PPP3CC: variants seen among roughly 807,000 people sequenced by gnomAD.
PPP3CC encodes the protein protein phosphatase 3 catalytic subunit gamma, also known as serine/threonine-protein phosphatase 2B catalytic subunit gamma isoform.
In PPP3CC, 35 loss-of-function variants were observed where a neutral mutation model predicts 60.3. The observed-to-expected ratio is 0.58, with a 90% CI of 0.44 to 0.77. PPP3CC has a LOEUF of 0.77. Ranked by LOEUF, PPP3CC falls within the 30% of genes least tolerant of loss-of-function variation. The probability of loss-of-function intolerance (pLI) is 0.00; values close to 1 mark genes in which losing one functional copy is unlikely to be tolerated. For missense variants in PPP3CC, 570 were observed against 628.9 expected (o/e 0.91, Z 1.00); for synonymous variants, 206 against 224.3 (o/e 0.92, Z 0.73).
intron 3 of PPP3CC, among the ~76,000 whole-genome samples, chr8:22,489,055 A>G (rs1838303951): frequency 6.6e-6 from 1 of 151,568 alleles, no homozygotes; most frequent in Non-Finnish European, 1.5e-5. Context: ...TTTTTTGAGC[A>G]GGGGAGTGAC....
At chr8:22,471,830 A>T (rs1837731382) in intron 1 of PPP3CC, among the ~76,000 whole-genome samples, 1 of 152,114 alleles carries the variant, frequency 6.6e-6, no homozygotes, top group African/African-American at 2.4e-5. Context: ...ACTAAATTTA[A>T]AACAAATTTT....
intron 3 of PPP3CC, among the ~76,000 whole-genome samples, chr8:22,489,053 G>T (rs569953573): frequency 6.6e-6 from 1 of 151,266 alleles, no homozygotes; most frequent in African/African-American, 2.4e-5. Flanking sequence ...TTTTTTTTGA[G>T]CAGGGGAGTG....
intron 4 of PPP3CC, among the ~76,000 whole-genome samples, chr8:22,510,431 TTATA>T (rs1241255104): frequency 6.6e-6 from 1 of 152,210 alleles, no homozygotes; most frequent in Non-Finnish European, 1.5e-5. Context: ...CAGTTTCCAC[TTATA>T]TATCTTCAAC....
rs1353538693 is a variant in PPP3CC, at chr8:22,480,319, CT to C, written c.372+4696del. ...AAACATTTATGTTAACAACATACCC[CT>C]AAATGCAACTAAAATAAGATCTAGT... On this transcript the variant is annotated intron_variant, in intron 3 of 13. Coordinates refer to ENST00000240139, the MANE Select transcript of PPP3CC (RefSeq NM_005605.5). 2.6e-5 allele frequency among the ~76,000 whole-genome samples: 4 copies of C among 151,972 alleles called. 1 individual carries two copies. The highest frequency in any genetic ancestry group is 9.7e-5 in the African/African-American group (4 of 41,444).
At chr8:22,499,505 A>T (rs1448639532) in intron 4 of PPP3CC, among the ~76,000 whole-genome samples, 1 of 152,194 alleles carries the variant, frequency 6.6e-6, no homozygotes, top group African/African-American at 2.4e-5. Flanking sequence ...TAAAAAACAG[A>T]TAACATGGTG....
chr8:22,454,147 C>T (rs567030997), intron 1 of PPP3CC, among the ~76,000 whole-genome samples: 1 of 152,312 alleles, frequency 6.6e-6, no homozygotes, highest in Non-Finnish European at 1.5e-5. Flanking sequence ...AAAACACAAA[C>T]ACATATAGCT....
intron 3 of PPP3CC, among the ~76,000 whole-genome samples, chr8:22,496,154 T>C (rs1809103): frequency 0.98 from 149,194 of 151,980 alleles, 73,249 homozygotes; most frequent in East Asian, 1. Context: ...ATCATTATTA[T>C]TGTGATTTGA....
chr8:22,494,606 C>T (rs915279483), intron 3 of PPP3CC, among the ~76,000 whole-genome samples: 1 of 152,174 alleles, frequency 6.6e-6, no homozygotes, highest in African/African-American at 2.4e-5. Context: ...TGTCTCCTTG[C>T]TAAAATTGAT....
intron 1 of PPP3CC, among the ~76,000 whole-genome samples, chr8:22,454,797 G>A (rs571016573): frequency 1.7e-4 from 26 of 152,180 alleles, no homozygotes; most frequent in Admixed American, 4.6e-4. Context: ...GGCTGGGCGC[G>A]GTGGCTCACG....
At chr8:22,484,360 A>C (rs1217336856) in intron 3 of PPP3CC, among the ~76,000 whole-genome samples, 1 of 152,154 alleles carries the variant, frequency 6.6e-6, no homozygotes, top group Non-Finnish European at 1.5e-5. Flanking sequence ...TAATATAAGC[A>C]TATCTACACA....
intron 1 of PPP3CC, among the ~76,000 whole-genome samples, chr8:22,467,498 AGTG>A (rs1386855876): frequency 1.2e-4 from 18 of 152,008 alleles, no homozygotes; most frequent in Admixed American, 1.1e-3. Context: ...TTGGAGTTTC[AGTG>A]GTGCGATCTC....
chr8:22,474,956 G>T lies in PPP3CC; in HGVS notation c.52G>T (p.Val18Phe). 2 of 1,545,220 alleles carry T rather than the reference G, an allele frequency of 1.3e-6. No homozygotes were observed. The highest frequency in any genetic ancestry group is 1.8e-6 in the Non-Finnish European group (2 of 1,139,700). The change falls in exon 2 of 14, where the codon GTC (valine) becomes TTC (phenylalanine). Residue 18 changes from valine (V) to phenylalanine (F), a missense_variant and splice_region_variant. Coordinates refer to ENST00000240139, the MANE Select transcript of PPP3CC (RefSeq NM_005605.5). ...TTATTATTATTATTTTTTTGTAGCT[G>T]TCCCCTTTCCTCCAACCCAACGGCT... ...LSTTDRVIKA[V>F]PFPPTQRLTF...
At chr8:22,461,125 T>A (rs1225864611) in intron 1 of PPP3CC, among the ~76,000 whole-genome samples, 2 of 152,192 alleles carry the variant, frequency 1.3e-5, no homozygotes, top group African/African-American at 4.8e-5. Context: ...ATTACAGGCG[T>A]GAGCCACCGC....
At chr8:22,446,986 T>A (rs982691421) in intron 1 of PPP3CC, among the ~76,000 whole-genome samples, 1 of 151,808 alleles carries the variant, frequency 6.6e-6, no homozygotes, top group Non-Finnish European at 1.5e-5. Context: ...GGTGCAATCA[T>A]TACTAGACTA....
chr8:22,499,210 C>T (rs540253027), intron 4 of PPP3CC, among the ~76,000 whole-genome samples: 57 of 151,498 alleles, frequency 3.8e-4, no homozygotes, highest in African/African-American at 1.3e-3. Context: ...GAGGCCGAGG[C>T]GGGTGGATCA....
rs765395203 is a variant in PPP3CC at position 22,511,087 on chromosome 8, T to C, written c.486T>C (p.Cys162=). The change falls in exon 5 of 14, where the codon TGT becomes TGC. Residue 162 remains cysteine, a splice_region_variant and synonymous_variant. Transcript: ENST00000240139. ...TGACTGGTTTTCCTTTTTTGTTAGG[T>C]CGAATCAAATATTCGGAACAGGTGT... ...LTDYFTFKQE[C]RIKYSEQVYD... 2 of 1,613,224 alleles carry C rather than the reference T, an allele frequency of 1.2e-6. No individual in the cohort carries two copies. The highest frequency in any genetic ancestry group is 3.3e-5 in the Admixed American group (2 of 59,800).
At chr8:22,497,370 C>T (rs1292258085) in intron 3 of PPP3CC, among the ~76,000 whole-genome samples, 1 of 151,654 alleles carries the variant, frequency 6.6e-6, no homozygotes, top group African/African-American at 2.4e-5. Context: ...CCTATGTTGC[C>T]CAGGTTAGCC....
intron 1 of PPP3CC, among the ~76,000 whole-genome samples, chr8:22,474,248 C>T (rs902510395): frequency 2.0e-5 from 3 of 151,978 alleles, no homozygotes; most frequent in African/African-American, 7.3e-5. Context: ...GAAATAAATG[C>T]CATTTTAGTA....
At chr8:22,492,250 A>C (rs1314190408) in intron 3 of PPP3CC, among the ~76,000 whole-genome samples, 2 of 152,074 alleles carry the variant, frequency 1.3e-5, no homozygotes, top group Non-Finnish European at 2.9e-5. Context: ...GTAAAAAAAA[A>C]AAGAGAAAAA....
Sources: gnomAD v4.1 joint callset for allele counts (sites outside exome capture counted in the v4.1 genomes callset) on GRCh38, gnomAD v4.1.1 for gene constraint, MANE v1.5 for transcripts, NCBI Gene and HGNC (gene_info 2026-07-23, HGNC 2026-07-21) for gene names.